The following APOOL variants were observed in gnomAD, a reference collection of about 807,000 sequenced individuals.
APOOL encodes apolipoprotein O like.
A neutral mutation model predicts 23.1 loss-of-function variants in APOOL; 12 were observed. The ratio of observed to expected loss-of-function variants is 0.52; its 90% CI spans 0.33 to 0.84. The LOEUF is 0.84. Among genes scored for constraint, APOOL ranks in the 40% least tolerant of loss-of-function variants. APOOL has a pLI of 0.02. For missense variants in APOOL, 212 were observed against 199.6 expected (o/e 1.06, Z -0.37); for synonymous variants, 77 against 69.9 (o/e 1.10, Z -0.51).
intron 1 of APOOL, among the ~76,000 whole-genome samples, chrX:85,044,342 T>C (rs1922502194): frequency 1.8e-5 from 2 of 109,505 alleles, no homozygotes; most frequent in Admixed American, 2.0e-4. Flanking sequence ...AGTGCAGTGG[T>C]GCTATTTCGG....
At chrX:85,082,964 T>G (rs777494373) in intron 8 of APOOL, among the ~76,000 whole-genome samples, 53 of 111,398 alleles carry the variant, frequency 4.8e-4, no homozygotes, top group African/African-American at 1.7e-3. Context: ...GAGAAACTAG[T>G]CAGTCTGTCA....
rs185638612 is a variant in APOOL, at chrX:85,061,797, G to A, written c.395-5330G>A. Among the ~76,000 whole-genome samples, 319 of 110,764 alleles carry A rather than the reference G, an allele frequency of 2.9e-3. 1 individual carries two copies. Among genetic ancestry groups the A allele is most frequent in the African/African-American group, 8.7e-3 (266 of 30,508 alleles). On this transcript the variant is annotated intron_variant, in intron 5 of 8. Transcript: ENST00000373173. ...TTTCTTCTTTATTAGTCTTGCTAGC[G>A]GTCTATCAATTTTGTTGATCTTTTC... is the stretch of plus-strand genomic sequence containing the variant.
chrX:85,026,608 C>A (rs1215095428), intron 1 of APOOL, among the ~76,000 whole-genome samples: 1 of 112,528 alleles, frequency 8.9e-6, no homozygotes, highest in Middle Eastern at 4.6e-3. Context: ...TAGGCTGTTA[C>A]AAGCAGCCAC....
rs663962 is a variant in APOOL at position 85,033,353 on chromosome X, G to A, written c.16-13093G>A. 4.1e-3 allele frequency among the ~76,000 whole-genome samples: 464 copies of A among 111,940 alleles called. 1 individual carries two copies. Among genetic ancestry groups the A allele is most frequent in the African/African-American group, 0.014 (432 of 30,802 alleles). Reference sequence around the variant, plus strand: ...TCATCTTCAGAGTATTTGACTTTTAGAGCTGTGTTACAGGTCACTCCTTTC... The same window carrying A: ...TCATCTTCAGAGTATTTGACTTTTAAAGCTGTGTTACAGGTCACTCCTTTC... On this transcript the variant is annotated intron_variant, in intron 1 of 8. Transcript: ENST00000373173.
intron 1 of APOOL, among the ~76,000 whole-genome samples, chrX:85,037,073 A>G (rs1055295586): frequency 8.9e-6 from 1 of 111,929 alleles, no homozygotes; most frequent in Non-Finnish European, 1.9e-5. Flanking sequence ...GTAGTATTCT[A>G]TGGTGTATAT....
At chrX:85,085,809 A>G (rs938475076) in intron 8 of APOOL, among the ~76,000 whole-genome samples, 16 of 111,922 alleles carry the variant, frequency 1.4e-4, no homozygotes, top group African/African-American at 5.2e-4. Context: ...GTTTGTGTGC[A>G]TTATCATGTT....
chrX:85,066,540 A>C (rs1221055492), intron 5 of APOOL, among the ~76,000 whole-genome samples: 1 of 111,618 alleles, frequency 9.0e-6, no homozygotes, highest in Non-Finnish European at 1.9e-5. Context: ...ATAACTCTTA[A>C]ATGATGCATA....
chrX:85,017,702 C>T (rs779547411), intron 1 of APOOL, among the ~76,000 whole-genome samples: 1 of 111,512 alleles, frequency 9.0e-6, no homozygotes, highest in South Asian at 3.8e-4. Context: ...CTCTGAGTGC[C>T]TACGAGGTCC....
intron 6 of APOOL, 135 bp downstream of exon 6, chrX:85,067,353 A>T: frequency 5.0e-6 from 2 of 401,622 alleles, no homozygotes; most frequent in Non-Finnish European, 8.8e-6. Context: ...ATGTTGGCCA[A>T]ATCACATTAG....
chrX:85,079,201 C>T (rs1215856852), intron 8 of APOOL, among the ~76,000 whole-genome samples: 1 of 111,705 alleles, frequency 9.0e-6, no homozygotes, highest in African/African-American at 3.3e-5. Context: ...AGTTTTTGCC[C>T]ATTCAGTATG....
chrX:85,030,508 A>C (rs147127803), intron 1 of APOOL, among the ~76,000 whole-genome samples: 9 of 112,051 alleles, frequency 8.0e-5, no homozygotes, highest in African/African-American at 2.9e-4. Flanking sequence ...TATTGAATTA[A>C]AAATAAATAA....
chrX:85,092,630 T>C lies in APOOL; in HGVS notation c.*4952T>C. The C allele has an allele frequency of 1.0e-6, 1 of 976,770 alleles. No homozygotes were observed. Among genetic ancestry groups the C allele is most frequent in the Non-Finnish European group, 1.4e-6 (1 of 706,838 alleles). The allele number at this position is 976,770 out of a possible 1,213,427, so 80.5% of individuals were successfully genotyped here. A position where few individuals can be genotyped will look rare whatever the true frequency, so the allele number is the denominator to read the frequency against. On this transcript the variant is annotated 3_prime_UTR_variant, in exon 9 of 9. Transcript: ENST00000373173. ...ATAATCTTCGTTAACACATATATTT[T>C]ATTGAAGGTCTACTCTATGCAAGAC...
chrX:85,048,267 G>A (rs984834087), intron 2 of APOOL, among the ~76,000 whole-genome samples: 18 of 109,586 alleles, frequency 1.6e-4, no homozygotes, highest in Non-Finnish European at 3.8e-5. Flanking sequence ...TTCCCTACCC[G>A]CTAACTGATT....
chrX:85,074,974 G>A (rs1923789989), intron 8 of APOOL, among the ~76,000 whole-genome samples: 1 of 110,064 alleles, frequency 9.1e-6, no homozygotes, highest in Non-Finnish European at 1.9e-5. Context: ...AACAAATACT[G>A]CTGTGATTTT....
At chrX:85,063,295 A>G (rs1177585972) in intron 5 of APOOL, among the ~76,000 whole-genome samples, 1 of 111,758 alleles carries the variant, frequency 8.9e-6, no homozygotes, top group Non-Finnish European at 1.9e-5. Context: ...TATAGGGATC[A>G]TATCATCGGC....
At position 85,093,112 on chromosome X, in the gene APOOL, T is replaced by G; in HGVS notation, c.*5434T>G. 1 of 994,451 alleles carries G rather than the reference T, an allele frequency of 1.0e-6. No homozygotes were observed. The highest frequency in any genetic ancestry group is 2.3e-5 in the South Asian group (1 of 44,032). The allele number at this position is 994,451 out of a possible 1,213,427, so 82.0% of individuals were successfully genotyped here. On this transcript the variant is annotated 3_prime_UTR_variant, in exon 9 of 9. Coordinates refer to ENST00000373173, the MANE Select transcript of APOOL (RefSeq NM_198450.6). Reference sequence around the variant, plus strand: ...TGTTCAAATGGTGAGATTAATGATTTAATTTATGCCCTGTGAATATTTATT... The same window carrying G: ...TGTTCAAATGGTGAGATTAATGATTGAATTTATGCCCTGTGAATATTTATT...
chrX:85,030,489 C>T (rs976203560), intron 1 of APOOL, among the ~76,000 whole-genome samples: 1 of 110,678 alleles, frequency 9.0e-6, no homozygotes, highest in Admixed American at 9.6e-5. Context: ...CCACTTGTAC[C>T]CCAAAAGCTA....
chrX:85,012,779 A>T (rs1921334238), intron 1 of APOOL, among the ~76,000 whole-genome samples: 1 of 111,875 alleles, frequency 8.9e-6, no homozygotes, highest in African/African-American at 3.2e-5. Context: ...ATCTGTGTTC[A>T]TCAGGGATAT....
intron 1 of APOOL, among the ~76,000 whole-genome samples, chrX:85,025,380 C>T (rs770478229): frequency 2.7e-5 from 3 of 111,618 alleles, no homozygotes; most frequent in African/African-American, 9.8e-5. Context: ...CATTCCACCT[C>T]TGGCGCCTCC....
Sources: allele counts gnomAD v4.1 joint callset (sites outside exome capture counted in the v4.1 genomes callset), GRCh38; gene constraint gnomAD v4.1.1; transcripts MANE v1.5; gene names NCBI Gene and HGNC (gene_info 2026-07-23, HGNC 2026-07-21).